Variants in MCU observed in about 807,000 individuals in gnomAD.
MCU encodes mitochondrial calcium uniporter, also known as calcium uniporter protein, mitochondrial.
MCU carries 12 observed loss-of-function variants against 45.2 expected under a neutral mutation model. That is an observed-to-expected ratio of 0.27 (90% CI 0.17 to 0.43). The LOEUF is 0.43. MCU is among the 20% of genes least tolerant of loss of function. The pLI, the probability that MCU is intolerant of heterozygous loss-of-function variation, is 1.00. For missense variants in MCU, 324 were observed against 436.7 expected (o/e 0.74, Z 2.30); for synonymous variants, 160 against 165.1 (o/e 0.97, Z 0.24).
intron 1 of MCU, among the ~76,000 whole-genome samples, chr10:72,749,942 CTTTTT>C (rs761722638): frequency 7.2e-6 from 1 of 139,238 alleles, no homozygotes; most frequent in Non-Finnish European, 1.6e-5. Flanking sequence ...AATTTTTGTA[CTTTTT>C]TTTTTTTTTT....
At chr10:72,765,913 A>G (rs1168397680) in intron 1 of MCU, among the ~76,000 whole-genome samples, 1 of 151,622 alleles carries the variant, frequency 6.6e-6, no homozygotes, top group African/African-American at 2.4e-5. Flanking sequence ...GCTGGAAGAC[A>G]TGGAGTGCAA....
chr10:72,853,538 G>A (rs939812337), intron 2 of MCU, among the ~76,000 whole-genome samples: 1 of 152,136 alleles, frequency 6.6e-6, no homozygotes, highest in Non-Finnish European at 1.5e-5. Context: ...CCTAACATAA[G>A]TGTAATTGGA....
At chr10:72,845,136 A>G (rs1305888841) in intron 2 of MCU, among the ~76,000 whole-genome samples, 3 of 152,202 alleles carry the variant, frequency 2.0e-5, no homozygotes, top group Non-Finnish European at 2.9e-5. Flanking sequence ...GGAAGCTTGC[A>G]TATATAGAAA....
chr10:72,861,197 T>G (rs1401194842), intron 4 of MCU, among the ~76,000 whole-genome samples: 1 of 152,060 alleles, frequency 6.6e-6, no homozygotes, highest in Non-Finnish European at 1.5e-5. Context: ...GGATAATTTT[T>G]TTTCTTTTTG....
At chr10:72,791,091 T>G (rs562646866) in intron 1 of MCU, among the ~76,000 whole-genome samples, 1 of 152,298 alleles carries the variant, frequency 6.6e-6, no homozygotes, top group East Asian at 1.9e-4. Context: ...AAACATATAT[T>G]AAAATTTAAA....
In MCU at chr10:72,757,516, C is replaced by T. The variant is rs184845613; in HGVS notation, c.150+65215C>T. Among the ~76,000 whole-genome samples, 160 of 152,146 alleles carry T rather than the reference C, an allele frequency of 1.1e-3. 5 individuals are homozygous for T. In the East Asian group the frequency reaches 0.024, roughly 22 times the overall value. Reference sequence around the variant, plus strand: ...TTTACTTTTTCTAAGAGGTGCGAGCCTGTGTGTCAGTGCTAAAATATAAAA... The same window carrying T: ...TTTACTTTTTCTAAGAGGTGCGAGCTTGTGTGTCAGTGCTAAAATATAAAA... On this transcript the variant is annotated intron_variant, in intron 1 of 7. Coordinates refer to ENST00000373053, the MANE Select transcript of MCU (RefSeq NM_138357.3).
chr10:72,790,773 T>C (rs2132764052), intron 1 of MCU, among the ~76,000 whole-genome samples: 1 of 152,320 alleles, frequency 6.6e-6, no homozygotes, highest in African/African-American at 2.4e-5. Flanking sequence ...AAAGCTTTGA[T>C]TGCAGAAGTT....
At chr10:72,711,681 G>A (rs1842896112) in intron 1 of MCU, among the ~76,000 whole-genome samples, 1 of 150,568 alleles carries the variant, frequency 6.6e-6, no homozygotes, top group African/African-American at 2.4e-5. Context: ...TTGCACTCCA[G>A]CCTGGGGATA....
At chr10:72,693,821 T>A (rs1425915143) in intron 1 of MCU, among the ~76,000 whole-genome samples, 1 of 152,246 alleles carries the variant, frequency 6.6e-6, no homozygotes, top group Non-Finnish European at 1.5e-5. Context: ...CCCCAAATTT[T>A]GATTGCATTC....
At chr10:72,861,656 A>AT (rs760388938) in intron 4 of MCU, 33,708 of 327,440 alleles carry the variant, frequency 0.1, 2,146 homozygotes, top group African/African-American at 0.33. Flanking sequence ...CGCCAGGCTA[A>AT]TTTTTTTTTT....
At chr10:72,819,311 G>A (rs2132813113) in intron 1 of MCU, among the ~76,000 whole-genome samples, 1 of 152,278 alleles carries the variant, frequency 6.6e-6, no homozygotes, top group African/African-American at 2.4e-5. Context: ...AAGAAGAGGG[G>A]CGAGAACAGA....
intron 1 of MCU, among the ~76,000 whole-genome samples, chr10:72,770,820 A>G (rs1279894554): frequency 3.3e-5 from 5 of 152,098 alleles, no homozygotes; most frequent in African/African-American, 4.8e-5. Flanking sequence ...TATCCTATAT[A>G]ATTGCTTTTT....
At chr10:72,716,735 T>C (rs950337025) in intron 1 of MCU, among the ~76,000 whole-genome samples, 1 of 150,964 alleles carries the variant, frequency 6.6e-6, no homozygotes, top group Non-Finnish European at 1.5e-5. Flanking sequence ...AAAAAATTAG[T>C]TGGGCATGCC....
chr10:72,833,330 C>T (rs1844907481), intron 1 of MCU, among the ~76,000 whole-genome samples: 1 of 152,100 alleles, frequency 6.6e-6, no homozygotes, highest in East Asian at 1.9e-4. Context: ...TAGCTGTGAG[C>T]CAAGTCTCAA....
intron 1 of MCU, among the ~76,000 whole-genome samples, chr10:72,796,835 A>G (rs190935682): frequency 7.3e-5 from 11 of 151,700 alleles, no homozygotes; most frequent in Admixed American, 2.6e-4. Context: ...AAATAATTCT[A>G]TTTCCTCCTT....
In MCU at chr10:72,722,248, AGAGATTGCAGTGAGCG is replaced by A. The variant is rs1161005900; in HGVS notation, c.150+29957_150+29972del. 4.1e-5 allele frequency among the ~76,000 whole-genome samples: 6 copies of A among 145,878 alleles called. 1 individual carries two copies. The highest frequency in any genetic ancestry group is 9.0e-5 in the Non-Finnish European group (6 of 66,578). On this transcript the variant is annotated intron_variant, in intron 1 of 7. Coordinates refer to ENST00000373053, the MANE Select transcript of MCU (RefSeq NM_138357.3). Reference sequence around the variant, plus strand: ...GGAGAATCACTTGAACCCGGGAGGCAGAGATTGCAGTGAGCGGAGATTGCACCTTTGCACTCCAGCC... The same window carrying A: ...GGAGAATCACTTGAACCCGGGAGGCAGAGATTGCACCTTTGCACTCCAGCC...
intron 1 of MCU, among the ~76,000 whole-genome samples, chr10:72,748,294 C>T (rs145302550): frequency 2.0e-5 from 3 of 152,294 alleles, no homozygotes; most frequent in Admixed American, 6.5e-5. Context: ...GTGATCCGCC[C>T]GCCTTGGCCT....
At chr10:72,845,373 TAG>T (rs919652326) in intron 2 of MCU, among the ~76,000 whole-genome samples, 1 of 152,180 alleles carries the variant, frequency 6.6e-6, no homozygotes, top group Non-Finnish European at 1.5e-5. Flanking sequence ...TTATTTATAA[TAG>T]GGGGAAAATC....
At chr10:72,694,943 A>C (rs1453619584) in intron 1 of MCU, among the ~76,000 whole-genome samples, 2 of 152,218 alleles carry the variant, frequency 1.3e-5, no homozygotes, top group African/African-American at 4.8e-5. Context: ...AGTAAATAAG[A>C]GTAAAGGTAC....
Sources: allele counts gnomAD v4.1 joint callset (sites outside exome capture counted in the v4.1 genomes callset), GRCh38; gene constraint gnomAD v4.1.1; transcripts MANE v1.5; gene names NCBI Gene and HGNC (gene_info 2026-07-23, HGNC 2026-07-21).